CSGALNACT1: variants seen among roughly 807,000 people sequenced by gnomAD.
CSGALNACT1 encodes beta4GalNAcT-1.
Under a neutral mutation model 51.0 loss-of-function variants are expected in CSGALNACT1, and 52 were observed. The observed-to-expected ratio is 1.02, with a 90% CI of 0.82 to 1.29. The LOEUF is 1.29. Ranked by LOEUF, CSGALNACT1 falls within the 50% of genes most tolerant of loss-of-function variation. CSGALNACT1 has a pLI of 0.00. For synonymous variants in CSGALNACT1, 341 were observed against 254.4 expected (o/e 1.34, Z -3.24); for missense variants, 935 against 679.2 (o/e 1.38, Z -4.19).
chr8:19,612,956 A>G (rs1432386892), intron 1 of CSGALNACT1, among the ~76,000 whole-genome samples: 4 of 132,430 alleles, frequency 3.0e-5, no homozygotes, highest in African/African-American at 1.3e-4. Flanking sequence ...GAAAAAAAAA[A>G]AAAAAAAAAA....
chr8:19,542,322 C>T (rs1271185111), intron 3 of CSGALNACT1, among the ~76,000 whole-genome samples: 1 of 151,840 alleles, frequency 6.6e-6, no homozygotes, highest in African/African-American at 2.4e-5. Context: ...TCCGTCAAAC[C>T]AGGACTGTGT....
At chr8:19,666,791 GAAAGAAAGAA>G (rs1330318318) in intron 1 of CSGALNACT1, among the ~76,000 whole-genome samples, 23 of 20,454 alleles carry the variant, frequency 1.1e-3, no homozygotes, top group African/African-American at 3.6e-3. Context: ...AAGAAAGAAA[GAAAGAAAGAA>G]AGAAAGAAAG....
chr8:19,542,401 G>C (rs927687443), intron 3 of CSGALNACT1, among the ~76,000 whole-genome samples: 1 of 152,142 alleles, frequency 6.6e-6, no homozygotes, highest in Non-Finnish European at 1.5e-5. Flanking sequence ...TAGCGGCAAA[G>C]GAATCATTAA....
chr8:19,613,413 A>G (rs1653084627), intron 1 of CSGALNACT1, among the ~76,000 whole-genome samples: 1 of 152,150 alleles, frequency 6.6e-6, no homozygotes, highest in Admixed American at 6.5e-5. Flanking sequence ...CATCGCACAG[A>G]CCGGTTTTCT....
chr8:19,543,315 G>A (rs546710044), intron 3 of CSGALNACT1, among the ~76,000 whole-genome samples: 1 of 152,184 alleles, frequency 6.6e-6, no homozygotes, highest in African/African-American at 2.4e-5. Flanking sequence ...TTCTGTGCAG[G>A]AAAGTGTTAA....
intron 3 of CSGALNACT1, among the ~76,000 whole-genome samples, chr8:19,590,490 C>T (rs555759638): frequency 3.7e-4 from 56 of 152,190 alleles, no homozygotes; most frequent in African/African-American, 1.2e-3. Flanking sequence ...GTTGAGACAT[C>T]GCGCAGTGCT....
intron 1 of CSGALNACT1, among the ~76,000 whole-genome samples, chr8:19,707,434 T>C (rs189675105): frequency 7.1e-4 from 108 of 152,320 alleles, no homozygotes; most frequent in African/African-American, 2.0e-3. Context: ...CAGCCATTTT[T>C]ATTTAAAGTC....
At chr8:19,552,507 A>G (rs909825953) in intron 3 of CSGALNACT1, among the ~76,000 whole-genome samples, 1 of 152,134 alleles carries the variant, frequency 6.6e-6, no homozygotes, top group African/African-American at 2.4e-5. Context: ...TTTTTGTCTA[A>G]TAGAAACATC....
chr8:19,639,814 T>C (rs752637740), intron 1 of CSGALNACT1, among the ~76,000 whole-genome samples: 2 of 151,818 alleles, frequency 1.3e-5, no homozygotes, highest in Non-Finnish European at 2.9e-5. Context: ...TATAACGATA[T>C]ATCCATTTGC....
At chr8:19,572,321 C>T (rs557988119) in intron 3 of CSGALNACT1, among the ~76,000 whole-genome samples, 2 of 152,326 alleles carry the variant, frequency 1.3e-5, no homozygotes, top group South Asian at 2.1e-4. Flanking sequence ...GTTCACCTTT[C>T]CTTGTCATTC....
At chr8:19,536,551 T>A (rs1189905802) in intron 3 of CSGALNACT1, among the ~76,000 whole-genome samples, 1 of 152,198 alleles carries the variant, frequency 6.6e-6, no homozygotes, top group East Asian at 1.9e-4. Context: ...TTGGAAAATG[T>A]AATCAGGAGT....
intron 1 of CSGALNACT1, among the ~76,000 whole-genome samples, chr8:19,717,121 T>G (rs2062855207): frequency 6.6e-6 from 1 of 152,232 alleles, no homozygotes; most frequent in South Asian, 2.1e-4. Flanking sequence ...GTTAGTTTCT[T>G]GTAAAATTAT....
rs368070687 is a variant in CSGALNACT1 at position 19,659,451 on chromosome 8, G to A, written c.-544+23022C>T. ...TGCCAATTCAAACTCTTCTCCAAAG[G>A]CTTTTGTGACAAACTGTGTGTGTTT... On this transcript the variant is annotated intron_variant, in intron 1 of 9. Coordinates refer to the CSGALNACT1 transcript ENST00000332246. Among the ~76,000 whole-genome samples, 45 of 152,230 alleles carry A rather than the reference G, an allele frequency of 3.0e-4. 1 individual carries two copies. The highest frequency in any genetic ancestry group is 1.2e-3 in the South Asian group (6 of 4,822).
intron 3 of CSGALNACT1, among the ~76,000 whole-genome samples, chr8:19,541,411 C>T (rs751287376): frequency 1.3e-5 from 2 of 151,524 alleles, no homozygotes; most frequent in South Asian, 2.1e-4. Context: ...CCACCACACC[C>T]GGCTAATTTT....
At chr8:19,682,279 T>C (rs1467040247) in intron 1 of CSGALNACT1, among the ~76,000 whole-genome samples, 10 of 152,150 alleles carry the variant, frequency 6.6e-5, no homozygotes, top group Admixed American at 6.5e-4. Context: ...CTGTCTCTCC[T>C]CTCCCTGCTT....
At chr8:19,530,311 T>TACACACACAC in intron 3 of CSGALNACT1, among the ~76,000 whole-genome samples, 1 of 59,790 alleles carries the variant, frequency 1.7e-5, no homozygotes, top group South Asian at 5.5e-4. Context: ...TGTGTACACA[T>TACACACACAC]ACACACACAC....
At position 19,745,058 on chromosome 8, in the gene CSGALNACT1, TC is replaced by T. The variant is rs2064563890; in HGVS notation, c.-297+12791del. 4.6e-5 allele frequency among the ~76,000 whole-genome samples: 7 copies of T among 152,348 alleles called. 1 individual carries two copies. The highest frequency in any genetic ancestry group is 1.7e-4 in the African/African-American group (7 of 41,570). On this transcript the variant is annotated intron_variant, in intron 1 of 1. Coordinates refer to the CSGALNACT1 transcript ENST00000517494. ...GCTTTAGAGACAGACAGACATTTGT[TC>T]CAATGCTGGTTCAGCCTGTCATAGT...
At chr8:19,542,848 A>C (rs370070297) in intron 3 of CSGALNACT1, among the ~76,000 whole-genome samples, 7 of 152,302 alleles carry the variant, frequency 4.6e-5, no homozygotes, top group East Asian at 3.9e-4. Flanking sequence ...TAATTTTATG[A>C]AAGTAACATT....
chr8:19,650,430 A>T (rs1057476541), intron 1 of CSGALNACT1, among the ~76,000 whole-genome samples: 1 of 152,254 alleles, frequency 6.6e-6, no homozygotes, highest in Non-Finnish European at 1.5e-5. Flanking sequence ...TAGTTTCAAG[A>T]ATGAGAGAAC....
Sources: gnomAD v4.1 joint callset for allele counts (sites outside exome capture counted in the v4.1 genomes callset) on GRCh38, gnomAD v4.1.1 for gene constraint, MANE v1.5 for transcripts, NCBI Gene and HGNC (gene_info 2026-07-23, HGNC 2026-07-21) for gene names.